PCDHGA8: variants seen among roughly 807,000 people sequenced by gnomAD.
PCDHGA8 encodes the protein protocadherin gamma-A8.
A neutral mutation model predicts 59.2 loss-of-function variants in PCDHGA8; 45 were observed. That is an observed-to-expected ratio of 0.76 (90% CI 0.60 to 0.98). The LOEUF (loss-of-function observed/expected upper bound fraction) is 0.98, where lower values mean the gene tolerates loss of function less well. Among genes scored for constraint, PCDHGA8 ranks in the 50% least tolerant of loss-of-function variants. The pLI is 0.00. For missense variants in PCDHGA8, 1,257 were observed against 1,196.2 expected, an observed-to-expected ratio of 1.05 and a Z score of -0.75; for synonymous variants, 531 against 519.0, an observed-to-expected ratio of 1.02 and a Z score of -0.32.
chr5:141,421,338 A>G (rs560707757), intron 1 of PCDHGA8: 2 of 1,613,966 alleles, frequency 1.2e-6, no homozygotes, highest in Non-Finnish European at 1.7e-6. Context: ...ATTCGGTGCC[A>G]GAAGAGACCG....
At chr5:141,450,786 C>A (rs1468388706) in intron 1 of PCDHGA8, among the ~76,000 whole-genome samples, 1 of 151,020 alleles carries the variant, frequency 6.6e-6, no homozygotes, top group Admixed American at 6.6e-5. Flanking sequence ...CGTGCCCGGA[C>A]CTCATGATTG....
chr5:141,477,245 A>G lies in PCDHGA8; in HGVS notation c.2425-17562A>G. On this transcript the variant is annotated intron_variant, in intron 1 of 3. Transcript: ENST00000398604. The surrounding 1 kb of genome is among the most constrained non-coding windows in gnomAD (Gnocchi z 4.9). ...GACTGTCATCGCTTTGCTCAGTGTG[A>G]CTGACCTGGATGCTGGCGAGAACGG... 3.7e-6 allele frequency: 6 copies of G among 1,614,128 alleles called. No homozygotes were observed. The highest frequency in any genetic ancestry group is 5.1e-6 in the Non-Finnish European group (6 of 1,180,026).
In PCDHGA8 at chr5:141,490,294, T is replaced by C. The variant is rs766906839; in HGVS notation, c.2425-4513T>C. ...CAATGACAATGCCCCAGAGGTGCTA[T>C]TGGCCTCTTTGGCCAACCCTGTCCT... On this transcript the variant is annotated intron_variant, in intron 1 of 3. Transcript: ENST00000398604. This position sits in a 1 kb window ranked among gnomAD's most constrained non-coding sequence, Gnocchi z 5.4. The C allele has an allele frequency of 5.6e-6, 9 of 1,614,104 alleles. No individual in the cohort carries two copies. The East Asian group carries it at 1.3e-4, about 24-fold the overall frequency.
In PCDHGA8 at chr5:141,489,365, G is replaced by A. The variant is rs774363104; in HGVS notation, c.2425-5442G>A. ...TCAGTGGTGGAGGAGTCTGAGCCGG[G>A]GACGCTGGTGGGGAATGTTGCTCAG... On this transcript the variant is annotated intron_variant, in intron 1 of 3. Transcript: ENST00000398604. The surrounding 1 kb of genome is among the most constrained non-coding windows in gnomAD (Gnocchi z 4.5). The A allele has an allele frequency of 6.2e-7, 1 of 1,613,512 alleles. No individual in the cohort carries two copies.
intron 2 of PCDHGA8, among the ~76,000 whole-genome samples, chr5:141,504,259 G>A (rs1325093588): frequency 6.6e-6 from 1 of 152,126 alleles, no homozygotes; most frequent in Non-Finnish European, 1.5e-5. Flanking sequence ...TTATGGTTTA[G>A]TATTTTTTTA....
At chr5:141,478,118 G>C in intron 1 of PCDHGA8, 2 of 1,614,048 alleles carry the variant, frequency 1.2e-6, no homozygotes, top group African/African-American at 1.3e-5. Context: ...GTCAGTAACC[G>C]AGGACTCTCC....
At chr5:141,474,044 T>A (rs1442885504) in intron 1 of PCDHGA8, among the ~76,000 whole-genome samples, 3 of 152,162 alleles carry the variant, frequency 2.0e-5, no homozygotes. Context: ...TACTCCAGCC[T>A]GGATGACAGA....
chr5:141,413,358 G>C, intron 1 of PCDHGA8: 1 of 1,613,972 alleles, frequency 6.2e-7, no homozygotes, highest in Non-Finnish European at 8.5e-7. Flanking sequence ...TGGCGCCCCG[G>C]GAGCTGGCGG....
rs377389968 is a variant in PCDHGA8, at chr5:141,404,840, C to T, written c.2424+9603C>T. On this transcript the variant is annotated intron_variant, in intron 1 of 3. Coordinates refer to ENST00000398604, the MANE Select transcript of PCDHGA8 (RefSeq NM_032088.2). Reference sequence around the variant, plus strand: ...GCACACAGGTGAAGTGCGCACAGCTCGGGCCCTGCTAGATAGAGATGCGCT... The same window carrying T: ...GCACACAGGTGAAGTGCGCACAGCTTGGGCCCTGCTAGATAGAGATGCGCT... 3.5e-5 allele frequency: 57 copies of T among 1,613,700 alleles called. No individual in the cohort carries two copies. The African/African-American group carries it at 6.3e-4, about 18-fold the overall frequency.
chr5:141,489,793 C>G lies in PCDHGA8; in HGVS notation c.2425-5014C>G. On this transcript the variant is annotated intron_variant, in intron 1 of 3. Transcript: ENST00000398604. This position sits in a 1 kb window ranked among gnomAD's most constrained non-coding sequence, Gnocchi z 4.5. ...CCACTTCTCTCTGAATGTGAAGACC[C>G]TAAAAGATGGGAAGCCATTCCCAGA... 1 of 1,614,160 alleles carries G rather than the reference C, an allele frequency of 6.2e-7. No individual in the cohort carries two copies. The highest frequency in any genetic ancestry group is 1.1e-5 in the South Asian group (1 of 91,078).
chr5:141,486,522 A>G lies in PCDHGA8; in HGVS notation c.2425-8285A>G. 1 of 1,614,174 alleles carries G rather than the reference A, an allele frequency of 6.2e-7. No homozygotes were observed. Among genetic ancestry groups the G allele is most frequent in the Non-Finnish European group, 8.5e-7 (1 of 1,180,024 alleles). On this transcript the variant is annotated intron_variant, in intron 1 of 3. Transcript: ENST00000398604. The surrounding 1 kb of genome is among the most constrained non-coding windows in gnomAD (Gnocchi z 5.0). The stretch of plus-strand genomic sequence containing the variant: ...TTCCTCAATATTTCAGATGTGAATG[A>G]TAATCCACCCTCTTTCTTTCAGAGG...
intron 1 of PCDHGA8, among the ~76,000 whole-genome samples, chr5:141,429,527 T>TA (rs1321273157): frequency 1.3e-5 from 2 of 152,038 alleles, no homozygotes; most frequent in African/African-American, 4.8e-5. Flanking sequence ...GAAAAAAGCT[T>TA]AAAAAAATAA....
At chr5:141,444,813 T>A (rs1382814369) in intron 1 of PCDHGA8, among the ~76,000 whole-genome samples, 3 of 152,228 alleles carry the variant, frequency 2.0e-5, no homozygotes, top group African/African-American at 4.8e-5. Flanking sequence ...AATAGCACAC[T>A]GTCTCAATTA....
intron 1 of PCDHGA8, chr5:141,410,478 C>T (rs767257836): frequency 1.9e-6 from 3 of 1,613,992 alleles, no homozygotes; most frequent in Non-Finnish European, 2.5e-6. Flanking sequence ...ATTGCACATA[C>T]GGGTACAAAA....
chr5:141,478,399 T>C, intron 1 of PCDHGA8: 1 of 1,613,514 alleles, frequency 6.2e-7, no homozygotes, highest in South Asian at 1.1e-5. Flanking sequence ...ATCAGGTGTA[T>C]CTCACCACGG....
At chr5:141,423,427 G>T (rs2096739583) in intron 1 of PCDHGA8, 1 of 1,613,892 alleles carries the variant, frequency 6.2e-7, no homozygotes, top group Non-Finnish European at 8.5e-7. Flanking sequence ...AGGCGGGTTG[G>T]CAGGTATGCC....
chr5:141,503,924 G>C (rs1282755998), intron 2 of PCDHGA8, among the ~76,000 whole-genome samples: 1 of 152,146 alleles, frequency 6.6e-6, no homozygotes, highest in Non-Finnish European at 1.5e-5. Flanking sequence ...CACACACACA[G>C]ACATTTTCAT....
At position 141,476,387 on chromosome 5, in the gene PCDHGA8, C is replaced by T. The variant is rs147660262; in HGVS notation, c.2425-18420C>T. The T allele has an allele frequency of 6.2e-6, 10 of 1,613,958 alleles. No homozygotes were observed. Among genetic ancestry groups the T allele is most frequent in the Non-Finnish European group, 7.6e-6 (9 of 1,180,032 alleles). ...GACCGGAGAGATGTTTGTGAACGAC[C>T]GTCTGGATCGAGAGGAGCTGTGTGG... On this transcript the variant is annotated intron_variant, in intron 1 of 3. Coordinates refer to ENST00000398604, the MANE Select transcript of PCDHGA8 (RefSeq NM_032088.2). This position sits in a 1 kb window ranked among gnomAD's most constrained non-coding sequence, Gnocchi z 7.6.
At position 141,394,108 on chromosome 5, in the gene PCDHGA8, T is replaced by C; in HGVS notation, c.1295T>C (p.Leu432Pro). 6.2e-7 allele frequency: 1 copy of C among 1,613,972 alleles called. No individual in the cohort carries two copies. Among genetic ancestry groups the C allele is most frequent in the Non-Finnish European group, 8.5e-7 (1 of 1,179,882 alleles). ...GCCTCAGATCTAGGAACACCACCTC[T>C]GTCCACTGAAACTCAAATCGCTCTG... ...VMASDLGTPP[L>P]STETQIALHV... Residue 432 changes from leucine (L) to proline (P), a missense_variant, in exon 1 of 4, where the codon CTG becomes CCG. Transcript: ENST00000398604.
Sources: gnomAD v4.1 joint callset for allele counts (sites outside exome capture counted in the v4.1 genomes callset) on GRCh38, gnomAD v4.1.1 for gene constraint, Gnocchi (gnomAD v3.1) non-coding constraint, MANE v1.5 for transcripts, NCBI Gene and HGNC (gene_info 2026-07-23, HGNC 2026-07-21) for gene names.